IFT27: variants seen among roughly 807,000 people sequenced by gnomAD.
IFT27 encodes the protein intraflagellar transport protein 27 homolog.
In IFT27, 19 loss-of-function variants were observed where a neutral mutation model predicts 23.9. That is an observed-to-expected ratio of 0.79 (90% CI 0.55 to 1.16). The LOEUF is 1.16. Among genes scored for constraint, IFT27 ranks in the 50% most tolerant of loss-of-function variants. The pLI is 0.00. For missense variants in IFT27, 206 were observed against 228.7 expected (o/e 0.90, Z 0.64); for synonymous variants, 91 against 89.1 (o/e 1.02, Z -0.12).
At position 36,768,290 on chromosome 22, in the gene IFT27, G is replaced by A. The variant is rs1286540389; in HGVS notation, c.35-428C>T. 8.5e-6 allele frequency: 3 copies of A among 353,124 alleles called. No individual in the cohort carries two copies. The Admixed American group carries it at 1.1e-4, about 13-fold the overall frequency. The allele number at this position is 353,124 out of a possible 1,614,324, so 21.9% of individuals were successfully genotyped here. A position where few individuals can be genotyped will look rare whatever the true frequency, so the allele number is the denominator to read the frequency against. ...GTCACCTGTCCAACTGACCCAACCT[G>A]GGTTGACAGCTTCCACCTGAATACT... On this transcript the variant is annotated intron_variant, in intron 1 of 6. Coordinates refer to ENST00000433985, the MANE Select transcript of IFT27 (RefSeq NM_001177701.3).
chr22:36,769,690 A>G (rs1938348870), intron 1 of IFT27, among the ~76,000 whole-genome samples: 1 of 152,080 alleles, frequency 6.6e-6, no homozygotes, highest in South Asian at 2.1e-4. Flanking sequence ...ACCGCCTTCC[A>G]TGACATCTGG....
At chr22:36,767,009 T>A in intron 3 of IFT27, 3 of 222,238 alleles carry the variant, frequency 1.3e-5, no homozygotes, top group Non-Finnish European at 1.8e-5. Flanking sequence ...CACACAAACA[T>A]AACGTCTTGC....
Position 36,767,418 on chromosome 22 carries a change from T to C in IFT27, c.115-53A>G, listed in dbSNP as rs371918418. On this transcript the variant is annotated intron_variant, in intron 2 of 6. Transcript: ENST00000433985. ...ACTGAGGGCCCCCAAAGGGAGAGCA[T>C]GTTACAGGAGGACACACAAGCACCC... 3.1e-5 allele frequency: 47 copies of C among 1,530,380 alleles called. No homozygotes were observed. The African/African-American group carries it at 5.4e-4, about 18-fold the overall frequency. The allele number at this position is 1,530,380 out of a possible 1,614,324, so 94.8% of individuals were successfully genotyped here. A position where few individuals can be genotyped will look rare whatever the true frequency, so the allele number is the denominator to read the frequency against.
intron 6 of IFT27, chr22:36,759,925 T>G (rs1226501290): frequency 1.3e-5 from 2 of 152,168 alleles, no homozygotes; most frequent in African/African-American, 2.4e-5. Flanking sequence ...CCAGGTCCCG[T>G]GGAGAAAGTT....
Position 36,758,248 on chromosome 22 carries a change from A to G in IFT27, c.*63T>C, listed in dbSNP as rs1295548858. On this transcript the variant is annotated 3_prime_UTR_variant, in exon 7 of 7. Coordinates refer to ENST00000433985, the MANE Select transcript of IFT27 (RefSeq NM_001177701.3). ...TAATTTTATTTAAAGCCATCATTAT[A>G]TATTAAAAGAGCAGAGGTAATTCTG... 4 of 1,240,492 alleles carry G rather than the reference A, an allele frequency of 3.2e-6. No homozygotes were observed. The highest frequency in any genetic ancestry group is 2.4e-5 in the South Asian group (2 of 82,980). The allele number at this position is 1,240,492 out of a possible 1,614,324, so 76.8% of individuals were successfully genotyped here.
rs143144562 is a variant in IFT27, at chr22:36,758,392, G to A, written c.480C>T (p.Phe160=). 1.5e-4 allele frequency: 244 copies of A among 1,613,980 alleles called. 1 individual carries two copies. In the Middle Eastern group the frequency reaches 2.5e-3, roughly 17 times the overall value. ...FETSVKEMEN[F]EAPFHCLAKQ... is the part of the protein sequence containing the mutation. ...TGGCAAGGCAGTGGAAAGGGGCTTC[G>A]AAGTTTTCCATCTCTTTCTGGAAAG... The change falls in exon 7 of 7, where the codon TTC becomes TTT. Residue 160 remains phenylalanine (F), a synonymous_variant. Transcript: ENST00000433985.
chr22:36,762,931 C>G lies in IFT27; in HGVS notation c.435G>C (p.Gln145His). Reference protein sequence around the residue: ...SAEARAWALGQGLECFETSVK... With the variant: ...SAEARAWALGHGLECFETSVK... ...CGGATGTTTCAAAACATTCCAGGCC[C>G]TGGCCCAGCGCCCATGCCCGGGCCT... Residue 145 changes from glutamine to histidine, a missense_variant, in exon 6 of 7, where the codon CAG (glutamine) becomes CAC (histidine). Gln to His is a conservative substitution (Grantham distance 24). Transcript: ENST00000433985. 3 of 1,589,792 alleles carry G rather than the reference C, an allele frequency of 1.9e-6. No homozygotes were observed. The highest frequency in any genetic ancestry group is 2.6e-6 in the Non-Finnish European group (3 of 1,164,280).
At position 36,776,023 on chromosome 22, in the gene IFT27, A is replaced by G. The variant is rs1938493548; in HGVS notation, c.-316T>C. ...TGCTCCCCGCCCAGCCCCTCAGCAC[A>G]GCCCTACCCAGAGGGTTCAAGGAAG... is the stretch of plus-strand genomic sequence containing the variant. On this transcript the variant is annotated 5_prime_UTR_variant, in exon 1 of 7. Coordinates refer to ENST00000433985, the MANE Select transcript of IFT27 (RefSeq NM_001177701.3). 1.0e-5 allele frequency: 5 copies of G among 488,620 alleles called. No individual in the cohort carries two copies. Among genetic ancestry groups the G allele is most frequent in the Non-Finnish European group, 1.9e-5 (5 of 267,242 alleles). 30.3% of individuals were successfully genotyped at this position (488,620 alleles called of 1,614,324 possible).
At chr22:36,772,357 A>G (rs1938402474) in intron 1 of IFT27, 1 of 289,908 alleles carries the variant, frequency 3.4e-6, no homozygotes, top group Non-Finnish European at 5.2e-6. Flanking sequence ...TCTGTGCCTC[A>G]GCTGCAACAT....
chr22:36,764,099 G>T, intron 4 of IFT27, 63 bp from the exon 5 acceptor site: 1 of 1,246,314 alleles, frequency 8.0e-7, no homozygotes, highest in Non-Finnish European at 1.2e-6. Flanking sequence ...AAGGCTGGGA[G>T]ACAATTTGGC....
rs375616019 is a variant in IFT27 at position 36,775,600 on chromosome 22, A to G, written c.34+74T>C. ...GAAAAGGTAGGCAATTTAGGTGAAC[A>G]AAAGCTCTGGATGAATTATGAAGGC... On this transcript the variant is annotated intron_variant, in intron 1 of 6. Coordinates refer to ENST00000433985, the MANE Select transcript of IFT27 (RefSeq NM_001177701.3). The G allele has an allele frequency of 6.7e-5, 103 of 1,539,006 alleles. 1 individual carries two copies. In the African/African-American group the frequency reaches 1.2e-3, roughly 18 times the overall value.
At chr22:36,758,630 C>A in intron 6 of IFT27, 5 of 563,080 alleles carry the variant, frequency 8.9e-6, no homozygotes, top group Non-Finnish European at 1.6e-5. Flanking sequence ...AAGCCACACA[C>A]CTTGTGAATG....
At chr22:36,769,636 TG>T (rs1386760051) in intron 1 of IFT27, among the ~76,000 whole-genome samples, 2 of 152,288 alleles carry the variant, frequency 1.3e-5, no homozygotes, top group Middle Eastern at 3.4e-3. Context: ...ATTACAGAAG[TG>T]AGTTCTGACC....
At chr22:36,760,024 A>G (rs1938038867) in intron 6 of IFT27, 1 of 152,254 alleles carries the variant, frequency 6.6e-6, no homozygotes, top group South Asian at 2.1e-4. Context: ...GAGAGTGCCG[A>G]GGAAAGAGTG....
chr22:36,771,336 T>G (rs1165835377), intron 1 of IFT27, among the ~76,000 whole-genome samples: 1 of 152,218 alleles, frequency 6.6e-6, no homozygotes. Context: ...TCCTCACTGT[T>G]GAAATGCCGA....
chr22:36,774,055 G>C (rs1282297113), intron 1 of IFT27, among the ~76,000 whole-genome samples: 2 of 152,086 alleles, frequency 1.3e-5, no homozygotes, highest in Admixed American at 1.3e-4. Flanking sequence ...GGAAATTAAA[G>C]CTCAAAAAGT....
At chr22:36,767,959 A>G in intron 1 of IFT27, 97 bp from the exon 2 acceptor site, 2 of 1,123,640 alleles carry the variant, frequency 1.8e-6, no homozygotes, top group Non-Finnish European at 1.4e-6. Context: ...AAAAACTTCA[A>G]TGAGTTTTGA....
chr22:36,772,737 A>G lies in IFT27; in HGVS notation c.34+2937T>C, dbSNP rs7285024. ...CAGCGAGTATCTGTTCAATGCATAAACACTTGAACTGAACGTCAGGTCCTT... is the reference window on the plus strand; with the variant it reads ...CAGCGAGTATCTGTTCAATGCATAAGCACTTGAACTGAACGTCAGGTCCTT... On this transcript the variant is annotated intron_variant, in intron 1 of 6. Coordinates refer to ENST00000433985, the MANE Select transcript of IFT27 (RefSeq NM_001177701.3). 0.019 allele frequency: 18,618 copies of G among 984,678 alleles called. 2,715 individuals are homozygous for G. In the African/African-American group the frequency reaches 0.3, roughly 16 times the overall value. The allele number at this position is 984,678 out of a possible 1,614,324, so 61.0% of individuals were successfully genotyped here.
At chr22:36,762,442 T>A (rs1938115305) in intron 6 of IFT27, 1 of 152,704 alleles carries the variant, frequency 6.5e-6, no homozygotes, top group Non-Finnish European at 1.5e-5. Flanking sequence ...CCGATGGGAA[T>A]TAGAGGCCAT....
Sources: gnomAD v4.1 joint callset for allele counts (sites outside exome capture counted in the v4.1 genomes callset) on GRCh38, gnomAD v4.1.1 for gene constraint, MANE v1.5 for transcripts, NCBI Gene and HGNC (gene_info 2026-07-23, HGNC 2026-07-21) for gene names.